The following PIK3C2G variants were observed in gnomAD, a reference collection of about 807,000 sequenced individuals.
PIK3C2G encodes phosphatidylinositol 3-kinase C2 domain-containing subunit gamma.
PIK3C2G carries 168 observed loss-of-function variants against 181.1 expected under a neutral mutation model. The ratio of observed to expected loss-of-function variants is 0.93; its 90% confidence interval spans 0.82 to 1.05. The LOEUF (loss-of-function observed/expected upper bound fraction) is 1.05. PIK3C2G is among the 50% of genes least tolerant of loss of function. The probability of loss-of-function intolerance (pLI) is 0.00; values close to 1 mark genes in which losing one functional copy is unlikely to be tolerated. For synonymous variants in PIK3C2G, 573 were observed against 592.2 expected (o/e 0.97, Z 0.47); for missense variants, 1,869 against 1,732.8 (o/e 1.08, Z -1.40).
At chr12:18,386,101 TG>T (rs1250970526) in intron 14 of PIK3C2G, among the ~76,000 whole-genome samples, 2 of 152,060 alleles carry the variant, frequency 1.3e-5, no homozygotes, top group East Asian at 3.9e-4. Context: ...CCTCCTCCTC[TG>T]GCTTTGGTGT....
At chr12:18,602,382 C>T (rs1020869618) in intron 30 of PIK3C2G, among the ~76,000 whole-genome samples, 1 of 151,620 alleles carries the variant, frequency 6.6e-6, no homozygotes, top group Admixed American at 6.6e-5. Context: ...CAAGACCAGC[C>T]CAAGGAGAGT....
intron 15 of PIK3C2G, among the ~76,000 whole-genome samples, chr12:18,395,071 G>C (rs60867999): frequency 0.16 from 19,076 of 119,278 alleles, 1,263 homozygotes; most frequent in African/African-American, 0.2. Flanking sequence ...TTCTTTCCCT[G>C]CCTCTTTCAT....
intron 1 of PIK3C2G, among the ~76,000 whole-genome samples, chr12:18,268,738 A>G (rs1425981453): frequency 6.6e-6 from 1 of 152,176 alleles, no homozygotes; most frequent in East Asian, 1.9e-4. Flanking sequence ...TGTGGTATTT[A>G]TCATTGTGTG....
upstream of PIK3C2G, among the ~76,000 whole-genome samples, chr12:18,256,560 C>T (rs1263995860): frequency 6.6e-6 from 1 of 152,026 alleles, no homozygotes; most frequent in Non-Finnish European, 1.5e-5. Context: ...AGTCAGAGGC[C>T]TATTTACTGC....
At chr12:18,257,846 A>G (rs1282985117), upstream of PIK3C2G, among the ~76,000 whole-genome samples, 1 of 113,992 alleles carries the variant, frequency 8.8e-6, no homozygotes, top group Non-Finnish European at 1.9e-5. Flanking sequence ...AGGAAAAGAA[A>G]GAGAAAGAAA....
At chr12:18,457,852 C>G (rs1035944312) in intron 18 of PIK3C2G, among the ~76,000 whole-genome samples, 1 of 151,982 alleles carries the variant, frequency 6.6e-6, no homozygotes, top group Non-Finnish European at 1.5e-5. Flanking sequence ...TTTATAATAA[C>G]CAAAACCTAA....
In PIK3C2G at chr12:18,496,062, G is replaced by T; in HGVS notation, c.2794G>T (p.Ala932Ser). ...GTTTTCCCTTTTTCTTTTCCTATAG[G>T]CATGTTCATATTTTACATCTAATGC... ...ALCIKGIDHD[A>S]CSYFTSNALP... The change falls in exon 21 of 33, where the codon GCA becomes TCA. Residue 932 changes from alanine (A) to serine (S), a missense_variant and splice_region_variant. Transcript: ENST00000538779. 6.7e-7 allele frequency: 1 copy of T among 1,481,652 alleles called. No individual in the cohort carries two copies. The highest frequency in any genetic ancestry group is 9.1e-7 in the Non-Finnish European group (1 of 1,096,886). The allele number at this position is 1,481,652 out of a possible 1,614,324, so 91.8% of individuals were successfully genotyped here. A position where few individuals can be genotyped will look rare whatever the true frequency, so the allele number is the denominator to read the frequency against.
intron 21 of PIK3C2G, among the ~76,000 whole-genome samples, chr12:18,496,599 G>T (rs1047355510): frequency 6.6e-6 from 1 of 151,950 alleles, no homozygotes; most frequent in Non-Finnish European, 1.5e-5. Flanking sequence ...AGTAAATATG[G>T]GTCATTTCAG....
At position 18,391,256 on chromosome 12, in the gene PIK3C2G, A is replaced by G. The variant is rs762692356; in HGVS notation, c.2126+4A>G. On this transcript the variant is annotated splice_donor_region_variant and intron_variant, in intron 15 of 32. Transcript: ENST00000538779. ...CACAGAAACAGACTCCCCTACTGTA[A>G]GTGACCTAGGTCTTGTGAATGAATT... 7.7e-6 allele frequency: 12 copies of G among 1,565,378 alleles called. No individual in the cohort carries two copies. In the Admixed American group the frequency reaches 2.1e-4, roughly 27 times the overall value.
intron 29 of PIK3C2G, among the ~76,000 whole-genome samples, chr12:18,589,465 G>A (rs963629652): frequency 2.6e-5 from 4 of 151,844 alleles, no homozygotes; most frequent in Non-Finnish European, 4.4e-5. Context: ...ATAAATTATA[G>A]CATCTTTATG....
At chr12:18,280,881 A>G (rs1949183951) in intron 1 of PIK3C2G, among the ~76,000 whole-genome samples, 2 of 151,938 alleles carry the variant, frequency 1.3e-5, no homozygotes, top group Admixed American at 1.3e-4. Flanking sequence ...TAGATTTAAG[A>G]TATATTTATG....
intron 5 of PIK3C2G, among the ~76,000 whole-genome samples, chr12:18,307,441 T>C (rs1950465844): frequency 1.3e-5 from 2 of 151,934 alleles, no homozygotes; most frequent in South Asian, 4.1e-4. Flanking sequence ...GTTTTATAGA[T>C]GATTATTAAA....
chr12:18,672,698 C>T, the PIK3C2G span, among the ~76,000 whole-genome samples: 3 of 152,102 alleles, frequency 2.0e-5, no homozygotes, highest in Admixed American at 6.6e-5. Context: ...GGAACATGAC[C>T]ATCCCAAGGT....
chr12:18,564,776 C>T (rs1009208288), intron 28 of PIK3C2G, among the ~76,000 whole-genome samples: 2 of 152,028 alleles, frequency 1.3e-5, no homozygotes, highest in African/African-American at 4.8e-5. Context: ...GCTGCAAATA[C>T]CACATTCAAC....
At chr12:18,459,138 A>G (rs796778949) in intron 18 of PIK3C2G, among the ~76,000 whole-genome samples, 77 of 152,312 alleles carry the variant, frequency 5.1e-4, no homozygotes, top group African/African-American at 1.8e-3. Flanking sequence ...TTAAAATCTA[A>G]AAGAAGCCCG....
intron 24 of PIK3C2G, among the ~76,000 whole-genome samples, chr12:18,525,609 G>GTGTGTCCTTCTTCTCAATTC (rs1943180376): frequency 6.6e-6 from 1 of 152,114 alleles, no homozygotes; most frequent in Non-Finnish European, 1.5e-5. Context: ...AGAGCCAATT[G>GTGTGTCCTTCTTCTCAATTC]TGTGTCCTTC....
At chr12:18,324,347 A>G (rs1218201756) in intron 7 of PIK3C2G, among the ~76,000 whole-genome samples, 3 of 152,200 alleles carry the variant, frequency 2.0e-5, no homozygotes, top group East Asian at 1.9e-4. Flanking sequence ...GTGATAATGT[A>G]GAAAAATGAG....
At chr12:18,715,344 G>A in the PIK3C2G span, among the ~76,000 whole-genome samples, 2 of 151,826 alleles carry the variant, frequency 1.3e-5, no homozygotes, top group South Asian at 4.2e-4. Flanking sequence ...CACCAACCAA[G>A]CCAAATCTTT....
At chr12:18,625,981 G>T (rs1949080344) in intron 31 of PIK3C2G, among the ~76,000 whole-genome samples, 1 of 151,628 alleles carries the variant, frequency 6.6e-6, no homozygotes, top group Non-Finnish European at 1.5e-5. Flanking sequence ...ACCTCACTTT[G>T]TATCTTTTAT....
Sources: gnomAD v4.1 joint callset for allele counts (sites outside exome capture counted in the v4.1 genomes callset) on GRCh38, gnomAD v4.1.1 for gene constraint, MANE v1.5 for transcripts, NCBI Gene and HGNC (gene_info 2026-07-23, HGNC 2026-07-21) for gene names.